The following TCEA3 variants were observed in gnomAD, a reference collection of about 807,000 sequenced individuals.
The protein encoded by TCEA3 is transcription elongation factor A protein 3.
Under a neutral mutation model 44.0 loss-of-function variants are expected in TCEA3, and 36 were observed. That is an observed-to-expected ratio of 0.82 (90% CI 0.63 to 1.08). The LOEUF is 1.08. TCEA3 is among the 50% of genes least tolerant of loss of function. The pLI, the probability that TCEA3 is intolerant of heterozygous loss-of-function variation, is 0.00. For synonymous variants in TCEA3, 162 were observed against 159.7 expected (o/e 1.01, Z -0.11); for missense variants, 392 against 441.2 (o/e 0.89, Z 1.00).
At chr1:23,399,178 A>ATATATATC (rs1425816669) in intron 5 of TCEA3, among the ~76,000 whole-genome samples, 12 of 141,140 alleles carry the variant, frequency 8.5e-5, no homozygotes, top group Non-Finnish European at 1.4e-4. Flanking sequence ...ATATATATAT[A>ATATATATC]TCCATATGTG....
At chr1:23,414,462 G>A (rs1366659319) in intron 4 of TCEA3, among the ~76,000 whole-genome samples, 1 of 152,224 alleles carries the variant, frequency 6.6e-6, no homozygotes, top group Non-Finnish European at 1.5e-5. Context: ...GAGTGCAGTG[G>A]CACGATCTTG....
intron 4 of TCEA3, among the ~76,000 whole-genome samples, chr1:23,414,441 C>T (rs1051139058): frequency 1.3e-5 from 2 of 149,446 alleles, no homozygotes; most frequent in South Asian, 2.1e-4. Flanking sequence ...CTAGTTCTGT[C>T]GCCCAGGCTG....
At chr1:23,424,429 C>T in intron 1 of TCEA3, 136 bp downstream of exon 1, 1 of 735,840 alleles carries the variant, frequency 1.4e-6, no homozygotes, top group Non-Finnish European at 2.2e-6. Context: ...GGCCCTGCAC[C>T]AGCCGCTCCT....
In TCEA3 at chr1:23,393,987, G is replaced by C. The variant is rs373953388; in HGVS notation, c.711C>G (p.Arg237=). The change falls in exon 8 of 11, where the codon CGC becomes CGG. Residue 237 remains arginine, a synonymous_variant. Coordinates refer to ENST00000450454, the MANE Select transcript of TCEA3 (RefSeq NM_003196.3). ...LKSTDMKYRN[R]VRSRISNLKD... is the part of the protein sequence containing the mutation. ...TGAGGTTGCTTATGCGGCTGCGCAC[G>C]CGGTTCCGGTACTTCATGTCCGTGC... The C allele has an allele frequency of 1.9e-5, 31 of 1,614,040 alleles. No individual in the cohort carries two copies. Among genetic ancestry groups the C allele is most frequent in the Non-Finnish European group, 2.6e-5 (31 of 1,179,902 alleles).
At chr1:23,418,300 C>A in intron 2 of TCEA3, 1 of 384,290 alleles carries the variant, frequency 2.6e-6, no homozygotes, top group Non-Finnish European at 4.8e-6. Context: ...GGACCCCTCC[C>A]ATTCCCAACC....
chr1:23,392,189 T>C (rs1209590348), intron 8 of TCEA3, among the ~76,000 whole-genome samples: 1 of 152,140 alleles, frequency 6.6e-6, no homozygotes, highest in African/African-American at 2.4e-5. Context: ...TTTTGGGTGT[T>C]TGAGGAAAGC....
At chr1:23,406,066 C>T (rs909447724) in intron 5 of TCEA3, among the ~76,000 whole-genome samples, 8 of 152,176 alleles carry the variant, frequency 5.3e-5, no homozygotes, top group African/African-American at 1.4e-4. Context: ...ATCCACTGGT[C>T]TAGAACCAGG....
intron 8 of TCEA3, 99 bp from the exon 9 acceptor site, chr1:23,387,518 G>A (rs1638885336): frequency 7.4e-7 from 1 of 1,359,304 alleles, no homozygotes; most frequent in East Asian, 2.5e-5. Flanking sequence ...GAGGTAACAT[G>A]CTTTATTGAC....
At chr1:23,405,581 C>T (rs1249948016) in intron 5 of TCEA3, among the ~76,000 whole-genome samples, 1 of 129,390 alleles carries the variant, frequency 7.7e-6, no homozygotes, top group East Asian at 2.3e-4. Context: ...GGCAACAGAG[C>T]GAGACTTCAT....
chr1:23,410,528 C>G (rs1431442272), intron 4 of TCEA3, among the ~76,000 whole-genome samples: 1 of 151,914 alleles, frequency 6.6e-6, no homozygotes, highest in African/African-American at 2.4e-5. Context: ...ACCAGCTGGG[C>G]GCAGTGGCTC....
chr1:23,423,717 C>A, intron 1 of TCEA3: 1 of 455,904 alleles, frequency 2.2e-6, no homozygotes. Context: ...CTCCAGGACC[C>A]AAGGCCAAAT....
At chr1:23,419,399 C>A in intron 1 of TCEA3, 1 of 337,216 alleles carries the variant, frequency 3.0e-6, no homozygotes, top group Non-Finnish European at 5.4e-6. Flanking sequence ...TGCCTCTCCC[C>A]AGGAATGCCC....
chr1:23,404,080 G>T (rs1470822400), intron 5 of TCEA3: 2 of 702,096 alleles, frequency 2.8e-6, no homozygotes, highest in Non-Finnish European at 5.2e-6. Context: ...CCAGGTCTGA[G>T]TAGAGGCATC....
At chr1:23,383,096 G>T (rs1223003741) in intron 10 of TCEA3, among the ~76,000 whole-genome samples, 1 of 152,018 alleles carries the variant, frequency 6.6e-6, no homozygotes, top group African/African-American at 2.4e-5. Flanking sequence ...TGGCTAACAC[G>T]GTGAAACCCC....
Position 23,381,408 on chromosome 1 carries a change from A to C in TCEA3, c.*58T>G. ...TTAATTTTTATTGCTTCTCCAGTTC[A>C]GATAATTCAGCGCTTCCTCTTTCTT... On this transcript the variant is annotated 3_prime_UTR_variant, in exon 11 of 11. Coordinates refer to ENST00000450454, the MANE Select transcript of TCEA3 (RefSeq NM_003196.3). The C allele has an allele frequency of 1.3e-6, 1 of 778,948 alleles. No homozygotes were observed. The highest frequency in any genetic ancestry group is 1.3e-5 in the South Asian group (1 of 74,108). The allele number at this position is 778,948 out of a possible 1,614,324, so 48.3% of individuals were successfully genotyped here.
chr1:23,395,436 G>A (rs903704523), intron 7 of TCEA3, among the ~76,000 whole-genome samples: 4 of 152,252 alleles, frequency 2.6e-5, no homozygotes, highest in Non-Finnish European at 4.4e-5. Context: ...ACATAGAGCA[G>A]TCAAGCCCCC....
Position 23,384,347 on chromosome 1 carries a change from T to G in TCEA3, c.1037A>C (p.Lys346Thr), listed in dbSNP as rs1306910883. The change falls in exon 10 of 11, where the codon AAG (lysine) becomes ACG (threonine). Residue 346 changes from lysine (K) to threonine (T), a missense_variant and splice_region_variant. Transcript: ENST00000450454. ...VLCNECGNRW[K>T]FC ...GGGGAAATACATAAACATACAGACC[T>G]TCCAGCGATTGCCACATTCATTGCA... 3.1e-6 allele frequency: 5 copies of G among 1,613,834 alleles called. No homozygotes were observed. The Admixed American group carries it at 8.3e-5, about 27-fold the overall frequency.
chr1:23,385,730 C>T (rs559214233), intron 9 of TCEA3, among the ~76,000 whole-genome samples: 19 of 152,350 alleles, frequency 1.2e-4, no homozygotes, highest in South Asian at 4.1e-4. Flanking sequence ...AGGCCATTCT[C>T]TGGTTTTAAG....
intron 4 of TCEA3, among the ~76,000 whole-genome samples, chr1:23,415,014 CTTT>C (rs59946326): frequency 3.0e-4 from 13 of 43,112 alleles, no homozygotes; most frequent in Middle Eastern, 0.031. Flanking sequence ...CTTTACTGTT[CTTT>C]TTTTTTTTTT....
Sources: allele counts gnomAD v4.1 joint callset (sites outside exome capture counted in the v4.1 genomes callset), GRCh38; gene constraint gnomAD v4.1.1; transcripts MANE v1.5; gene names NCBI Gene and HGNC (gene_info 2026-07-23, HGNC 2026-07-21).